PALLD: variants seen among roughly 807,000 people sequenced by gnomAD.
PALLD encodes the protein palladin.
PALLD carries 61 observed loss-of-function variants against 123.5 expected under a neutral mutation model. The ratio of observed to expected loss-of-function variants is 0.49; its 90% CI spans 0.40 to 0.61. The LOEUF (loss-of-function observed/expected upper bound fraction) is 0.61. Among genes scored for constraint, PALLD ranks in the 20% least tolerant of loss-of-function variants. PALLD has a pLI of 0.00. For missense variants in PALLD, 1,273 were observed against 1,377.0 expected (o/e 0.92, Z 1.20); for synonymous variants, 465 against 496.4 (o/e 0.94, Z 0.84).
Position 168,878,057 on chromosome 4 carries a change from C to A in PALLD, c.1965-12865C>A. ...GTCCAGCCTCCCGTCGCCCATGTCC[C>A]CGACGCCGAGGCAGTTCGGCCGCGC... On this transcript the variant is annotated intron_variant, in intron 10 of 21. Transcript: ENST00000505667. 2.0e-6 allele frequency: 3 copies of A among 1,480,158 alleles called. No homozygotes were observed. Among genetic ancestry groups the A allele is most frequent in the Non-Finnish European group, 2.7e-6 (3 of 1,121,716 alleles). 91.7% of individuals were successfully genotyped at this position (1,480,158 alleles called of 1,614,324 possible).
intron 10 of PALLD, among the ~76,000 whole-genome samples, chr4:168,787,048 A>G (rs1736861728): frequency 6.6e-6 from 1 of 152,222 alleles, no homozygotes; most frequent in African/African-American, 2.4e-5. Context: ...TCCAGCTATT[A>G]TGTATATTCA....
chr4:168,773,596 A>G (rs1734746670), intron 10 of PALLD, among the ~76,000 whole-genome samples: 1 of 152,220 alleles, frequency 6.6e-6, no homozygotes, highest in African/African-American at 2.4e-5. Context: ...TTACTGGTCT[A>G]AGTGGTAGAA....
At chr4:168,508,736 T>C (rs1410579497) in intron 1 of PALLD, among the ~76,000 whole-genome samples, 3 of 152,074 alleles carry the variant, frequency 2.0e-5, no homozygotes, top group Non-Finnish European at 4.4e-5. Context: ...AATGAAAATA[T>C]AGTCTGTTGT....
intron 2 of PALLD, among the ~76,000 whole-genome samples, chr4:168,533,858 G>T (rs1017548828): frequency 6.6e-6 from 1 of 152,096 alleles, no homozygotes; most frequent in Admixed American, 6.6e-5. Flanking sequence ...AGCTAAAGGA[G>T]GACATTTTCT....
chr4:168,720,137 T>C (rs1448275644), intron 10 of PALLD, among the ~76,000 whole-genome samples: 1 of 152,238 alleles, frequency 6.6e-6, no homozygotes, highest in Non-Finnish European at 1.5e-5. Flanking sequence ...TTGAATAATC[T>C]ATAACCTGGT....
intron 18 of PALLD, among the ~76,000 whole-genome samples, chr4:168,922,976 A>G (rs1366631513): frequency 6.6e-6 from 1 of 152,182 alleles, no homozygotes; most frequent in Non-Finnish European, 1.5e-5. Flanking sequence ...TCTGCGACTT[A>G]GTTTCTCCAT....
intron 2 of PALLD, among the ~76,000 whole-genome samples, chr4:168,638,931 C>T (rs899923309): frequency 2.0e-5 from 3 of 152,116 alleles, no homozygotes; most frequent in African/African-American, 7.2e-5. Context: ...GGCTTGCTGA[C>T]CCCTCTCATG....
In PALLD at chr4:168,511,789, G is replaced by A. The variant is rs1022713635; in HGVS notation, c.285G>A (p.Gln95=). 28 of 1,614,050 alleles carry A rather than the reference G, an allele frequency of 1.7e-5. No homozygotes were observed. The highest frequency in any genetic ancestry group is 1.1e-5 in the Non-Finnish European group (13 of 1,180,040). ...GTGAACACGCCTCGAGGAGACCTCA[G>A]GATAACAGGTCAACACCTGTCCAGC... ...KLGEHASRRP[Q]DNRSTPVQPL... The change falls in exon 2 of 22, where the codon CAG becomes CAA. Residue 95 remains glutamine, a synonymous_variant. Coordinates refer to ENST00000505667, the MANE Select transcript of PALLD (RefSeq NM_001166108.2).
chr4:168,877,670 C>A, intron 10 of PALLD: 1 of 957,202 alleles, frequency 1.0e-6, no homozygotes, highest in Non-Finnish European at 1.3e-6. Context: ...TCCTGGAATA[C>A]ACGTTCCTGG....
Position 168,512,408 on chromosome 4 carries a change from G to A in PALLD, c.904G>A (p.Val302Ile). The change falls in exon 2 of 22, where the codon GTC (valine) becomes ATC (isoleucine). Residue 302 changes from valine (V) to isoleucine (I), a missense_variant. By Grantham distance (29) the Val-to-Ile change is conservative (BLOSUM62 3). This residue lies in a region of PALLD where 944 missense variants were observed against 954.5 expected (regional missense o/e 0.99). Transcript: ENST00000505667. ...AGTCACTGGAAACCCCACTCCTCGA[G>A]TCAGGTATGAATTTTTGTATTATGC... Reference protein sequence around the residue: ...CRVTGNPTPRVRWFCEGKELH... With the variant: ...CRVTGNPTPRIRWFCEGKELH... The A allele has an allele frequency of 2.5e-6, 4 of 1,612,826 alleles. No individual in the cohort carries two copies. The highest frequency in any genetic ancestry group is 3.4e-6 in the Non-Finnish European group (4 of 1,179,658).
chr4:168,612,758 A>C (rs1050390376), intron 2 of PALLD, among the ~76,000 whole-genome samples: 8 of 152,200 alleles, frequency 5.3e-5, no homozygotes, highest in African/African-American at 1.9e-4. Flanking sequence ...GATAGAGTCG[A>C]GGGACTCATG....
chr4:168,632,080 G>A (rs528595078), intron 2 of PALLD, among the ~76,000 whole-genome samples: 1 of 151,644 alleles, frequency 6.6e-6, no homozygotes, highest in Non-Finnish European at 1.5e-5. Flanking sequence ...CCTCTTTGGG[G>A]GTTGGCGGGG....
rs1470294401 is a variant in PALLD at position 168,878,091 on chromosome 4, C to G, written c.1965-12831C>G. The G allele has an allele frequency of 3.5e-6, 5 of 1,443,248 alleles. No homozygotes were observed. The highest frequency in any genetic ancestry group is 5.5e-5 in the Admixed American group (2 of 36,430). 89.4% of individuals were successfully genotyped at this position (1,443,248 alleles called of 1,614,324 possible). A position where few individuals can be genotyped will look rare whatever the true frequency, so the allele number is the denominator to read the frequency against. ...AGGCAGTTCGGCCGCGCCCCCGTGC[C>G]GCCCTTCGCGCAGCCCTTCGGCGCT... On this transcript the variant is annotated intron_variant, in intron 10 of 21. Transcript: ENST00000505667.
rs115128471 is a variant in PALLD at position 168,685,617 on chromosome 4, C to T, written c.1335+58C>T. On this transcript the variant is annotated intron_variant, in intron 6 of 21. Coordinates refer to ENST00000505667, the MANE Select transcript of PALLD (RefSeq NM_001166108.2). ...TGCTTTGGTCCTTAAATTTCATTTA[C>T]ATGTGGCTTCGTGTAGCAATCTTTA... 3,833 of 1,110,698 alleles carry T rather than the reference C, an allele frequency of 3.5e-3. 88 individuals carry two copies. In the African/African-American group the frequency reaches 0.054, roughly 16 times the overall value. The allele number at this position is 1,110,698 out of a possible 1,614,324, so 68.8% of individuals were successfully genotyped here.
At chr4:168,716,154 A>T (rs758389089) in intron 10 of PALLD, among the ~76,000 whole-genome samples, 7 of 152,128 alleles carry the variant, frequency 4.6e-5, no homozygotes, top group Non-Finnish European at 7.3e-5. Context: ...CCCCTTTGTT[A>T]CTTCCTTTTT....
chr4:168,727,877 A>C (rs1447372020), intron 10 of PALLD, among the ~76,000 whole-genome samples: 1 of 146,832 alleles, frequency 6.8e-6, no homozygotes, highest in Non-Finnish European at 1.5e-5. Flanking sequence ...TCTTGAGCTA[A>C]TTTTTGTATA....
At chr4:168,625,510 T>TATATATATATATAGATAG (rs1775169660) in intron 2 of PALLD, among the ~76,000 whole-genome samples, 1 of 65,100 alleles carries the variant, frequency 1.5e-5, no homozygotes, top group Non-Finnish European at 4.1e-5. Context: ...GAGATATATA[T>TATATATATATATAGATAG]ATATATATCC....
Position 168,511,800 on chromosome 4 carries a change from CAACA to C in PALLD, c.297_300del (p.Thr100LeufsTer52). On this transcript the variant is annotated frameshift_variant, in exon 2 of 22. Coordinates refer to ENST00000505667, the MANE Select transcript of PALLD (RefSeq NM_001166108.2). LOFTEE classifies it high-confidence loss of function. ...TCGAGGAGACCTCAGGATAACAGGTCAACACCTGTCCAGCCTCTGGCAGAGAAAC... is the reference window on the plus strand; with the variant it reads ...TCGAGGAGACCTCAGGATAACAGGTCCCTGTCCAGCCTCTGGCAGAGAAAC... 1 of 1,614,080 alleles carries C rather than the reference CAACA, an allele frequency of 6.2e-7. No individual in the cohort carries two copies. Among genetic ancestry groups the C allele is most frequent in the Non-Finnish European group, 8.5e-7 (1 of 1,179,988 alleles).
At chr4:168,898,250 A>C (rs1359809421) in intron 13 of PALLD, 4 of 541,326 alleles carry the variant, frequency 7.4e-6, no homozygotes, top group Non-Finnish European at 9.9e-6. Flanking sequence ...GAAGGAAAAA[A>C]AAATTCATCT....
Sources: gnomAD v4.1 joint callset for allele counts (sites outside exome capture counted in the v4.1 genomes callset) on GRCh38, gnomAD v4.1.1 for gene constraint, gnomAD v4.1.1 regional missense constraint, MANE v1.5 for transcripts, NCBI Gene and HGNC (gene_info 2026-07-23, HGNC 2026-07-21) for gene names.